Variants in ENTPD3 observed in about 807,000 individuals in gnomAD.
ENTPD3 encodes the protein CD39 antigen-like 3.
Under a neutral mutation model 51.2 loss-of-function variants are expected in ENTPD3, and 60 were observed. That is an observed-to-expected ratio of 1.17 (90% confidence interval 0.95 to 1.45). The LOEUF is 1.45. Among genes scored for constraint, ENTPD3 ranks in the 40% most tolerant of loss-of-function variants. ENTPD3 has a pLI of 0.00. For missense variants in ENTPD3, 593 were observed against 641.1 expected, an observed-to-expected ratio of 0.93 and a Z score of 0.81; for synonymous variants, 221 against 238.4, an observed-to-expected ratio of 0.93 and a Z score of 0.67.
intron 7 of ENTPD3, among the ~76,000 whole-genome samples, chr3:40,422,502 C>G (rs1955899313): frequency 7.2e-6 from 1 of 138,790 alleles, no homozygotes; most frequent in South Asian, 2.7e-4. Flanking sequence ...TGCTATCCTT[C>G]CCCCCTCCCC....
intron 3 of ENTPD3, chr3:40,394,289 T>G (rs896367279): frequency 1.3e-5 from 4 of 302,594 alleles, no homozygotes; most frequent in Non-Finnish European, 2.7e-5. Context: ...TAATTTTTTC[T>G]TGCTGTATTT....
Position 40,427,192 on chromosome 3 carries a change from T to G in ENTPD3, c.1354-80T>G, listed in dbSNP as rs867050705. The G allele has an allele frequency of 4.9e-5, 57 of 1,159,696 alleles. No individual in the cohort carries two copies. The Middle Eastern group carries it at 1.4e-3, about 29-fold the overall frequency. 71.8% of individuals were successfully genotyped at this position (1,159,696 alleles called of 1,614,324 possible). On this transcript the variant is annotated intron_variant, in intron 10 of 10. Transcript: ENST00000301825. ...AATTTCCCATGGGAGCTTTGTGAGGTTGATAGCAGTATGACTCCGGTATGT... is the reference window on the plus strand; with the variant it reads ...AATTTCCCATGGGAGCTTTGTGAGGGTGATAGCAGTATGACTCCGGTATGT...
intron 2 of ENTPD3, 157 bp from the exon 3 acceptor site, chr3:40,391,866 C>T: frequency 1.3e-6 from 1 of 795,164 alleles, no homozygotes; most frequent in South Asian, 1.6e-5. Flanking sequence ...AGAAGGGGAG[C>T]TTATTTGCTA....
chr3:40,391,949 A>C, intron 2 of ENTPD3, 74 bp from the exon 3 acceptor site: 1 of 1,564,536 alleles, frequency 6.4e-7, no homozygotes, highest in Non-Finnish European at 8.8e-7. Context: ...GGGCCAGTCC[A>C]TCAATTCTAC....
At chr3:40,399,910 T>C (rs1050273151) in intron 3 of ENTPD3, among the ~76,000 whole-genome samples, 9 of 152,204 alleles carry the variant, frequency 5.9e-5, no homozygotes, top group African/African-American at 2.2e-4. Context: ...ATATTATTTT[T>C]TTATTTTGCT....
intron 10 of ENTPD3, chr3:40,424,964 G>A (rs1267057042): frequency 6.5e-6 from 3 of 458,118 alleles, no homozygotes; most frequent in Non-Finnish European, 7.9e-6. Context: ...TACTCTCTAA[G>A]CTTTGCTTCT....
intron 4 of ENTPD3, 144 bp downstream of exon 4, chr3:40,401,155 G>C (rs1955346787): frequency 4.4e-6 from 3 of 678,912 alleles, no homozygotes; most frequent in Non-Finnish European, 7.9e-6. Flanking sequence ...GAGATCGTGT[G>C]CTAGTGCTGC....
chr3:40,390,868 C>G (rs1955036358), intron 2 of ENTPD3: 1 of 152,204 alleles, frequency 6.6e-6, no homozygotes, highest in Non-Finnish European at 1.5e-5. Flanking sequence ...AACTTCTGCC[C>G]CCTGGCAATC....
At chr3:40,424,097 C>G in intron 10 of ENTPD3, 134 bp downstream of exon 10, 2 of 1,494,550 alleles carry the variant, frequency 1.3e-6, no homozygotes, top group Non-Finnish European at 1.8e-6. Context: ...AGACTGATCC[C>G]TTGTGAGTTT....
intron 4 of ENTPD3, among the ~76,000 whole-genome samples, chr3:40,409,155 G>A (rs1046764888): frequency 6.6e-6 from 1 of 151,980 alleles, no homozygotes; most frequent in African/African-American, 2.4e-5. Flanking sequence ...GGGAGGCTGA[G>A]GCAGGAGAAT....
intron 4 of ENTPD3, among the ~76,000 whole-genome samples, chr3:40,403,996 C>T (rs1001497204): frequency 2.6e-5 from 4 of 152,150 alleles, no homozygotes; most frequent in African/African-American, 4.8e-5. Context: ...ATGCAGGCAG[C>T]TGTAGCCTTG....
chr3:40,414,047 T>C (rs1325256548), intron 5 of ENTPD3, among the ~76,000 whole-genome samples: 1 of 151,822 alleles, frequency 6.6e-6, no homozygotes, highest in East Asian at 1.9e-4. Context: ...TTTCATAGGG[T>C]AAAATGGCAG....
At position 40,427,505 on chromosome 3, in the gene ENTPD3, C is replaced by G; in HGVS notation, c.1587C>G (p.Asp529Glu). Reference sequence around the variant, plus strand: ...CCTTTGACCATGCAGTGGATTCTGACTGAGCCTTCAAAGCAGCTCCTGGAG... The same window carrying G: ...CCTTTGACCATGCAGTGGATTCTGAGTGAGCCTTCAAAGCAGCTCCTGGAG... ...EHAFDHAVDSD is the reference protein window; with the variant it reads ...EHAFDHAVDSE The change falls in exon 11 of 11, where the codon GAC becomes GAG. Residue 529 changes from aspartate (D) to glutamate (E), a missense_variant. Asp to Glu is a conservative substitution (Grantham distance 45). Transcript: ENST00000301825. 6.2e-7 allele frequency: 1 copy of G among 1,612,788 alleles called. No individual in the cohort carries two copies. Among genetic ancestry groups the G allele is most frequent in the Non-Finnish European group, 8.5e-7 (1 of 1,178,814 alleles).
chr3:40,417,756 T>C (rs1955779836), intron 7 of ENTPD3, among the ~76,000 whole-genome samples: 1 of 152,300 alleles, frequency 6.6e-6, no homozygotes, highest in Admixed American at 6.5e-5. Flanking sequence ...TGCTTCTTTC[T>C]TTCTGGGAGA....
chr3:40,403,601 G>A (rs945019926), intron 4 of ENTPD3, among the ~76,000 whole-genome samples: 5 of 151,840 alleles, frequency 3.3e-5, no homozygotes, highest in African/African-American at 9.7e-5. Context: ...GGGGTATATT[G>A]CACGGCACGG....
At chr3:40,393,735 A>C (rs1955120370) in intron 3 of ENTPD3, among the ~76,000 whole-genome samples, 1 of 152,160 alleles carries the variant, frequency 6.6e-6, no homozygotes, top group Non-Finnish European at 1.5e-5. Context: ...CTGAGGCCTA[A>C]AAGAAGGTGT....
chr3:40,416,210 C>T (rs1955744795), intron 7 of ENTPD3, 137 bp downstream of exon 7: 1 of 641,480 alleles, frequency 1.6e-6, no homozygotes, highest in Non-Finnish European at 2.7e-6. Flanking sequence ...TTCCAATTTA[C>T]TCCTGGGGGT....
At chr3:40,425,037 CA>C in intron 10 of ENTPD3, 1 of 324,604 alleles carries the variant, frequency 3.1e-6, no homozygotes, top group Non-Finnish European at 5.8e-6. Context: ...ATTTGAATGC[CA>C]GTTTGAGTTG....
intron 4 of ENTPD3, among the ~76,000 whole-genome samples, chr3:40,410,694 G>A (rs1346864167): frequency 6.6e-6 from 1 of 151,878 alleles, no homozygotes; most frequent in African/African-American, 2.4e-5. Context: ...GAACTATGAG[G>A]GTACAATCGA....
Sources: allele counts gnomAD v4.1 joint callset (sites outside exome capture counted in the v4.1 genomes callset), GRCh38; gene constraint gnomAD v4.1.1; transcripts MANE v1.5; gene names NCBI Gene and HGNC (gene_info 2026-07-23, HGNC 2026-07-21).